The following TASP1 variants were observed in gnomAD, a reference collection of about 807,000 sequenced individuals.
TASP1 encodes taspase 1, also known as threonine aspartase 1.
Under a neutral mutation model 56.6 loss-of-function variants are expected in TASP1, and 16 were observed. The ratio of observed to expected loss-of-function variants is 0.28; its 90% CI spans 0.19 to 0.43. TASP1 has a LOEUF of 0.43. Ranked by LOEUF, TASP1 falls within the 20% of genes least tolerant of loss-of-function variation. The pLI, the probability that TASP1 is intolerant of heterozygous loss-of-function variation, is 1.00. For missense variants in TASP1, 393 were observed against 511.6 expected (o/e 0.77, Z 2.24); for synonymous variants, 179 against 184.2 (o/e 0.97, Z 0.23).
chr20:13,299,248 C>A, the TASP1 span: 1 of 1,604,742 alleles, frequency 6.2e-7, no homozygotes, highest in Non-Finnish European at 8.5e-7. This position sits in a 1 kb window ranked among gnomAD's most constrained non-coding sequence, Gnocchi z 5.8. Context: ...CAGCTCATCA[C>A]CAGGGGCAAG....
intron 11 of TASP1, among the ~76,000 whole-genome samples, chr20:13,475,078 AG>A (rs1406144011): frequency 6.6e-6 from 1 of 152,240 alleles, no homozygotes; most frequent in African/African-American, 2.4e-5. Flanking sequence ...AACTTGGAAA[AG>A]TAATCCCTAC....
chr20:13,198,402 GT>G, the TASP1 span, among the ~76,000 whole-genome samples: 1 of 152,042 alleles, frequency 6.6e-6, no homozygotes, highest in African/African-American at 2.4e-5. Context: ...GTTCTCTGGG[GT>G]CCCTTTTATG....
Position 13,389,799 on chromosome 20 carries a change from T to C in TASP1, c.*561A>G, listed in dbSNP as rs1446860526. 1 of 152,730 alleles carries C rather than the reference T, an allele frequency of 6.5e-6. No individual in the cohort carries two copies. The highest frequency in any genetic ancestry group is 1.5e-5 in the Non-Finnish European group (1 of 68,302). 9.5% of individuals were successfully genotyped at this position (152,730 alleles called of 1,614,324 possible). A position where few individuals can be genotyped will look rare whatever the true frequency, so the allele number is the denominator to read the frequency against. ...TTCTTTGTTAAAGAAAAATGCCCCA[T>C]ATAAGGGATGAGAACAACAGTTTAA... On this transcript the variant is annotated 3_prime_UTR_variant, in exon 14 of 14. Coordinates refer to ENST00000337743, the MANE Select transcript of TASP1 (RefSeq NM_017714.3).
intron 10 of TASP1, among the ~76,000 whole-genome samples, chr20:13,487,156 G>A (rs1023487788): frequency 6.6e-6 from 1 of 152,182 alleles, no homozygotes; most frequent in Non-Finnish European, 1.5e-5. Context: ...GACAAAGGCT[G>A]GCAGAAGATA....
chr20:13,562,915 ATGTGTGTGTGTGTGTG>A (rs199844282), intron 7 of TASP1, among the ~76,000 whole-genome samples: 2 of 128,680 alleles, frequency 1.6e-5, no homozygotes, highest in Admixed American at 7.7e-5. Context: ...ACATATATAT[ATGTGTGTGTGTGTGTG>A]TGTGTGTGTG....
chr20:13,406,860 G>GCA (rs2041944255), intron 13 of TASP1, among the ~76,000 whole-genome samples: 1 of 151,866 alleles, frequency 6.6e-6, no homozygotes, highest in Admixed American at 6.6e-5. Flanking sequence ...TAGAGACAGG[G>GCA]TTTCACTATG....
the TASP1 span, chr20:13,166,257 T>A: frequency 6.6e-6 from 1 of 152,650 alleles, no homozygotes; most frequent in Admixed American, 6.5e-5. Context: ...TTTCATGCTG[T>A]GCACTGAGAT....
chr20:13,591,608 A>G (rs2047534867), intron 4 of TASP1, among the ~76,000 whole-genome samples: 1 of 152,210 alleles, frequency 6.6e-6, no homozygotes, highest in South Asian at 2.1e-4. Context: ...CAAACAAAAA[A>G]GACACCACAT....
the TASP1 span, among the ~76,000 whole-genome samples, chr20:13,129,190 C>T: frequency 3.9e-5 from 6 of 152,056 alleles, no homozygotes; most frequent in South Asian, 2.1e-4. Context: ...GTAGTCGAGA[C>T]GGGGTTTCAC....
chr20:13,580,062 A>ATGCTAACAGTACGGTGGCTATGTTG (rs975481007), intron 6 of TASP1, among the ~76,000 whole-genome samples: 1 of 152,222 alleles, frequency 6.6e-6, no homozygotes, highest in Non-Finnish European at 1.5e-5. Flanking sequence ...ATTGTTAGGC[A>ATGCTAACAGTACGGTGGCTATGTTG]TGCTAACAGT....
At chr20:13,163,723 A>T in the TASP1 span, among the ~76,000 whole-genome samples, 1 of 152,088 alleles carries the variant, frequency 6.6e-6, no homozygotes, top group African/African-American at 2.4e-5. Flanking sequence ...AAAGTCCATA[A>T]GATCTATTAG....
At chr20:13,289,060 A>G in the TASP1 span, among the ~76,000 whole-genome samples, 1 of 152,220 alleles carries the variant, frequency 6.6e-6, no homozygotes, top group Admixed American at 6.5e-5. Context: ...TGCTGGGATT[A>G]CAGGCATGAG....
the TASP1 span, among the ~76,000 whole-genome samples, chr20:13,357,895 C>T: frequency 6.6e-6 from 1 of 152,186 alleles, no homozygotes; most frequent in South Asian, 2.1e-4. Flanking sequence ...GGCCTCTGAG[C>T]CCAAGCCAAG....
the TASP1 span, among the ~76,000 whole-genome samples, chr20:13,142,257 C>T: frequency 3.3e-5 from 5 of 152,190 alleles, no homozygotes; most frequent in Admixed American, 2.0e-4. Flanking sequence ...TCCTTCCAGC[C>T]GTCCCACAAA....
intron 12 of TASP1, among the ~76,000 whole-genome samples, chr20:13,419,456 T>G (rs1295245780): frequency 6.6e-6 from 1 of 152,190 alleles, no homozygotes; most frequent in Non-Finnish European, 1.5e-5. Flanking sequence ...AAAAGAAAAC[T>G]GCAAACATCC....
chr20:13,347,406 A>G, the TASP1 span, among the ~76,000 whole-genome samples: 1 of 152,238 alleles, frequency 6.6e-6, no homozygotes. Context: ...GGGCTCTCCA[A>G]CCCACTCCCT....
chr20:13,409,255 T>G (rs1339074278), intron 13 of TASP1, among the ~76,000 whole-genome samples: 1 of 152,002 alleles, frequency 6.6e-6, no homozygotes, highest in Non-Finnish European at 1.5e-5. Flanking sequence ...TTTGGTCAAG[T>G]TGGGTCTATT....
At chr20:13,147,714 T>A in the TASP1 span, among the ~76,000 whole-genome samples, 2 of 152,222 alleles carry the variant, frequency 1.3e-5, no homozygotes, top group Non-Finnish European at 2.9e-5. Context: ...TTCCCATCTC[T>A]AAAGACAAGG....
chr20:13,500,879 C>A (rs951546779), intron 10 of TASP1, among the ~76,000 whole-genome samples: 1 of 151,938 alleles, frequency 6.6e-6, no homozygotes, highest in Non-Finnish European at 1.5e-5. Flanking sequence ...CACCTAACAA[C>A]CCAATAACCT....
Sources: gnomAD v4.1 joint callset for allele counts (sites outside exome capture counted in the v4.1 genomes callset) on GRCh38, gnomAD v4.1.1 for gene constraint, Gnocchi (gnomAD v3.1) non-coding constraint, MANE v1.5 for transcripts, NCBI Gene and HGNC (gene_info 2026-07-23, HGNC 2026-07-21) for gene names.